Variants in AIG1 observed in about 807,000 individuals in gnomAD.
The protein encoded by AIG1 is androgen-induced gene 1 protein.
Under a neutral mutation model 31.4 loss-of-function variants are expected in AIG1, and 23 were observed. The ratio of observed to expected loss-of-function variants is 0.73; its 90% confidence interval spans 0.53 to 1.04. AIG1 has a LOEUF of 1.04. Among genes scored for constraint, AIG1 ranks in the 50% least tolerant of loss-of-function variants. The probability of loss-of-function intolerance (pLI) is 0.00; values close to 1 mark genes in which losing one functional copy is unlikely to be tolerated. For missense variants in AIG1, 274 were observed against 295.0 expected, an observed-to-expected ratio of 0.93 and a Z score of 0.52; for synonymous variants, 100 against 110.5, an observed-to-expected ratio of 0.90 and a Z score of 0.60.
At chr6:143,093,247 C>A (rs116202270) in intron 1 of AIG1, among the ~76,000 whole-genome samples, 14,358 of 152,086 alleles carry the variant, frequency 0.094, 2,111 homozygotes, top group African/African-American at 0.32. Flanking sequence ...GTATAACTTG[C>A]TGCAACTTCT....
intron 4 of AIG1, among the ~76,000 whole-genome samples, chr6:143,308,192 G>T (rs1377395706): frequency 6.6e-6 from 1 of 152,172 alleles, no homozygotes; most frequent in African/African-American, 2.4e-5. Context: ...GCTTCGGCTC[G>T]CGCACGGTGC....
intron 1 of AIG1, chr6:143,099,389 T>G (rs926368255): frequency 6.6e-6 from 1 of 152,212 alleles, no homozygotes; most frequent in Non-Finnish European, 1.5e-5. Flanking sequence ...AGACAGGGAT[T>G]ATTAAAAAGT....
Position 143,130,501 on chromosome 6 carries a change from G to A in AIG1, c.142-6334G>A, listed in dbSNP as rs1339182760. Among the ~76,000 whole-genome samples, 4 of 151,620 alleles carry A rather than the reference G, an allele frequency of 2.6e-5. No individual in the cohort carries two copies. In the South Asian group the frequency reaches 8.3e-4, roughly 32 times the overall value. ...GGAGGCTGAGGCGGGTAGATCACGA[G>A]GTCAGGAGTTCGAAACCTGCCAGTC... is the stretch of plus-strand genomic sequence containing the variant. On this transcript the variant is annotated intron_variant, in intron 1 of 5. Transcript: ENST00000357847.
At chr6:143,202,058 C>T (rs993086861) in intron 3 of AIG1, among the ~76,000 whole-genome samples, 1 of 152,148 alleles carries the variant, frequency 6.6e-6, no homozygotes, top group Non-Finnish European at 1.5e-5. Flanking sequence ...TTAATGCAAA[C>T]CCACAATTTA....
chr6:143,288,345 A>G lies in AIG1; in HGVS notation c.515+4120A>G, dbSNP rs565028442. 6.6e-5 allele frequency among the ~76,000 whole-genome samples: 10 copies of G among 152,332 alleles called. No homozygotes were observed. In the East Asian group the frequency reaches 7.7e-4, roughly 12 times the overall value. On this transcript the variant is annotated intron_variant, in intron 4 of 5. Transcript: ENST00000357847. This position sits in a 1 kb window ranked among gnomAD's most constrained non-coding sequence, Gnocchi z 4.4. ...CCCTCCTTCAGGGGTTTCTCATTCA[A>G]TCAGAGCCCATGTGAGATCTCAGAA...
At chr6:143,303,047 C>G (rs1798944003) in intron 4 of AIG1, among the ~76,000 whole-genome samples, 1 of 152,092 alleles carries the variant, frequency 6.6e-6, no homozygotes, top group South Asian at 2.1e-4. Context: ...CTGTTCATGT[C>G]CTTCGCCCAC....
At position 143,226,985 on chromosome 6, in the gene AIG1, CTTTTT is replaced by C. The variant is rs11431811; in HGVS notation, c.400-57108_400-57104del. Reference sequence around the variant, plus strand: ...CTTTCTTAAAACATTGAGTTTTTGTCTTTTTTTTTTTTTTTTTTTTTAGTTCATCA... The same window carrying C: ...CTTTCTTAAAACATTGAGTTTTTGTCTTTTTTTTTTTTTTTTAGTTCATCA... On this transcript the variant is annotated intron_variant, in intron 3 of 5. Coordinates refer to ENST00000357847, the MANE Select transcript of AIG1 (RefSeq NM_016108.4). 5.1e-3 allele frequency among the ~76,000 whole-genome samples: 578 copies of C among 113,600 alleles called. 5 individuals carry two copies. Among genetic ancestry groups the C allele is most frequent in the African/African-American group, 0.017 (523 of 30,948 alleles). 74.5% of individuals were successfully genotyped at this position (113,600 alleles called of 152,430 possible).
rs949671945 is a variant in AIG1, at chr6:143,071,681, C to CTTT, written c.141+10620_141+10622dup. ...CGTGGTGGTGGTGGTAGTGGTGGTT[C>CTTT]TTTTTTTGTTGTTGTTGTTGTTGTT... On this transcript the variant is annotated intron_variant, in intron 1 of 5. Coordinates refer to ENST00000357847, the MANE Select transcript of AIG1 (RefSeq NM_016108.4). Among the ~76,000 whole-genome samples the CTTT allele has an allele frequency of 1.7e-4, 26 of 150,894 alleles. 1 individual carries two copies. In the South Asian group the frequency reaches 3.6e-3, roughly 21 times the overall value.
downstream of AIG1, among the ~76,000 whole-genome samples, chr6:143,341,615 A>C (rs1777858169): frequency 6.6e-6 from 1 of 152,226 alleles, no homozygotes; most frequent in South Asian, 2.1e-4. Context: ...GAAGGTTGCC[A>C]ACTGCAAGCC....
chr6:143,323,663 C>G (rs557713558), intron 4 of AIG1, among the ~76,000 whole-genome samples: 4 of 152,182 alleles, frequency 2.6e-5, no homozygotes, highest in Admixed American at 6.5e-5. Flanking sequence ...GTCCTTTGTC[C>G]TATTCCTGGG....
intron 2 of AIG1, among the ~76,000 whole-genome samples, chr6:143,163,771 TC>T (rs1404933474): frequency 6.6e-6 from 1 of 152,322 alleles, no homozygotes; most frequent in East Asian, 1.9e-4. Flanking sequence ...ATAATCCTAA[TC>T]CCTTTCTTTT....
At chr6:143,204,500 G>A (rs945876515) in intron 3 of AIG1, among the ~76,000 whole-genome samples, 1 of 152,140 alleles carries the variant, frequency 6.6e-6, no homozygotes, top group East Asian at 1.9e-4. Flanking sequence ...TCCCAGAGCA[G>A]TATTCCAGGT....
chr6:143,309,915 T>C (rs188019592), intron 4 of AIG1, among the ~76,000 whole-genome samples: 2 of 152,084 alleles, frequency 1.3e-5, no homozygotes, highest in Admixed American at 1.3e-4. Context: ...GAGTACTACA[T>C]AATAATGAAG....
intron 3 of AIG1, chr6:143,189,382 C>G (rs1234548056): frequency 2.0e-6 from 2 of 977,778 alleles, no homozygotes; most frequent in Non-Finnish European, 2.4e-6. Flanking sequence ...ACACCCAGCC[C>G]CTGCTCACAT....
intron 1 of AIG1, among the ~76,000 whole-genome samples, chr6:143,084,506 G>T (rs762383627): frequency 6.6e-6 from 1 of 152,052 alleles, no homozygotes; most frequent in Non-Finnish European, 1.5e-5. Flanking sequence ...CATTCCACCT[G>T]CTCCTCCTGA....
intron 1 of AIG1, among the ~76,000 whole-genome samples, chr6:143,095,901 CTTTTTTT>C (rs372161832): frequency 9.6e-6 from 1 of 103,716 alleles, no homozygotes; most frequent in Admixed American, 1.2e-4. Flanking sequence ...GCTACTTTAT[CTTTTTTT>C]TTTTTTTTTT....
chr6:143,171,469 AT>A (rs1787568693), intron 3 of AIG1, among the ~76,000 whole-genome samples: 1 of 119,244 alleles, frequency 8.4e-6, no homozygotes, highest in South Asian at 2.3e-4. Context: ...TATATATTTA[AT>A]ATATATAATA....
intron 3 of AIG1, among the ~76,000 whole-genome samples, chr6:143,171,467 T>A (rs1274692651): frequency 1.1e-4 from 13 of 117,718 alleles, no homozygotes; most frequent in South Asian, 4.7e-4. Context: ...TATATATATT[T>A]AATATATATA....
chr6:143,266,357 A>AT (rs1460111943), intron 3 of AIG1, among the ~76,000 whole-genome samples: 23 of 141,288 alleles, frequency 1.6e-4, no homozygotes, highest in Admixed American at 5.6e-4. Flanking sequence ...AAAAAAAAAA[A>AT]AAAAAAAAGA....
Sources: gnomAD v4.1 joint callset for allele counts (sites outside exome capture counted in the v4.1 genomes callset) on GRCh38, gnomAD v4.1.1 for gene constraint, Gnocchi (gnomAD v3.1) non-coding constraint, MANE v1.5 for transcripts, NCBI Gene and HGNC (gene_info 2026-07-23, HGNC 2026-07-21) for gene names.